GFI1B: variants seen among roughly 807,000 people sequenced by gnomAD.
The protein encoded by GFI1B is zinc finger protein Gfi-1b.
Under a neutral mutation model 35.3 loss-of-function variants are expected in GFI1B, and 20 were observed. The observed-to-expected ratio is 0.57, with a 90% CI of 0.40 to 0.82. The LOEUF is 0.82. GFI1B is among the 40% of genes least tolerant of loss of function. The pLI is 0.00. For synonymous variants in GFI1B, 178 were observed against 177.6 expected (o/e 1.00, Z -0.02); for missense variants, 430 against 446.3 (o/e 0.96, Z 0.33).
chr9:132,989,591 C>T lies in GFI1B; in HGVS notation c.649-151C>T. On this transcript the variant is annotated intron_variant, in intron 5 of 6. Transcript: ENST00000372122. The surrounding 1 kb of genome is among the most constrained non-coding windows in gnomAD (Gnocchi z 6.2). The stretch of plus-strand genomic sequence containing the variant: ...CACAGGAGACCAATGAGACTCCAAG[C>T]CCCAGTTTCACCTCAGAGGCAGAGA... 1 of 624,760 alleles carries T rather than the reference C, an allele frequency of 1.6e-6. No individual in the cohort carries two copies. Among genetic ancestry groups the T allele is most frequent in the Non-Finnish European group, 2.8e-6 (1 of 352,274 alleles). 38.7% of individuals were successfully genotyped at this position (624,760 alleles called of 1,614,324 possible).
At position 132,990,981 on chromosome 9, in the gene GFI1B, G is replaced by A. The variant is rs763603541; in HGVS notation, c.924G>A (p.Leu308=). Residue 308 remains leucine (L), a synonymous_variant, in exon 7 of 7, where the codon CTG becomes CTA. Coordinates refer to ENST00000372122, the MANE Select transcript of GFI1B (RefSeq NM_001377304.1). ...HTGFKPFSCE[L]CTKGFQRKVD... ...GCTTCAAGCCCTTCAGCTGTGAGCT[G>A]TGCACCAAAGGCTTCCAGCGCAAGG... The A allele has an allele frequency of 3.7e-6, 6 of 1,614,084 alleles. No individual in the cohort carries two copies. In the Admixed American group the frequency reaches 8.3e-5, roughly 22 times the overall value.
chr9:132,982,301 G>A (rs1848854945), intron 1 of GFI1B, among the ~76,000 whole-genome samples: 1 of 152,216 alleles, frequency 6.6e-6, no homozygotes, highest in African/African-American at 2.4e-5. Flanking sequence ...CAGGTTGGTG[G>A]CTGATGCGGT....
intron 1 of GFI1B, among the ~76,000 whole-genome samples, chr9:132,950,156 G>C (rs1200684780): frequency 6.6e-6 from 1 of 152,024 alleles, no homozygotes. Context: ...ACTTTTACCT[G>C]AGCTAGAAGA....
In GFI1B at chr9:132,989,675, G is replaced by A; in HGVS notation, c.649-67G>A. 7.3e-7 allele frequency: 1 copy of A among 1,370,946 alleles called. No homozygotes were observed. The highest frequency in any genetic ancestry group is 1.2e-5 in the South Asian group (1 of 84,190). The allele number at this position is 1,370,946 out of a possible 1,614,324, so 84.9% of individuals were successfully genotyped here. A position where few individuals can be genotyped will look rare whatever the true frequency, so the allele number is the denominator to read the frequency against. On this transcript the variant is annotated intron_variant, in intron 5 of 6. Coordinates refer to ENST00000372122, the MANE Select transcript of GFI1B (RefSeq NM_001377304.1). This position sits in a 1 kb window ranked among gnomAD's most constrained non-coding sequence, Gnocchi z 6.2. ...CCCCAATGGAGTGTCCTGTTCCGCA[G>A]GGGATCCCGGCCGGGTCCAGTCCTG...
At chr9:132,964,610 T>C (rs1848420521) in intron 1 of GFI1B, among the ~76,000 whole-genome samples, 1 of 152,160 alleles carries the variant, frequency 6.6e-6, no homozygotes, top group African/African-American at 2.4e-5. Context: ...ACAAAGGCCG[T>C]CACAATTCTA....
At position 132,989,084 on chromosome 9, in the gene GFI1B, C is replaced by G; in HGVS notation, c.534C>G (p.Leu178=). 6.2e-7 allele frequency: 1 copy of G among 1,614,064 alleles called. No individual in the cohort carries two copies. Among genetic ancestry groups the G allele is most frequent in the East Asian group, 2.2e-5 (1 of 44,886 alleles). ...CNKVFSTPHG[L]EVHVRRSHSG... is the part of the protein sequence containing the mutation. Reference sequence around the variant, plus strand: ...AGGTCTTCTCCACCCCTCACGGGCTCGAAGTGCATGTGCGACGCTCCCATA... The same window carrying G: ...AGGTCTTCTCCACCCCTCACGGGCTGGAAGTGCATGTGCGACGCTCCCATA... Residue 178 remains leucine, a synonymous_variant, in exon 5 of 7, where the codon CTC becomes CTG. Coordinates refer to ENST00000372122, the MANE Select transcript of GFI1B (RefSeq NM_001377304.1). This position sits in a 1 kb window ranked among gnomAD's most constrained non-coding sequence, Gnocchi z 6.2.
In GFI1B at chr9:132,989,651, C is replaced by T. The variant is rs554982113; in HGVS notation, c.649-91C>T. The T allele has an allele frequency of 4.4e-4, 458 of 1,049,990 alleles. 7 individuals are homozygous for T. Among genetic ancestry groups the T allele is most frequent in the South Asian group, 2.2e-3 (164 of 75,394 alleles). 65.0% of individuals were successfully genotyped at this position (1,049,990 alleles called of 1,614,324 possible). ...CCCCGGTCCTGCTCCTCCAGGCCGCCCCAATGGAGTGTCCTGTTCCGCAGG... is the reference window on the plus strand; with the variant it reads ...CCCCGGTCCTGCTCCTCCAGGCCGCTCCAATGGAGTGTCCTGTTCCGCAGG... On this transcript the variant is annotated intron_variant, in intron 5 of 6. Coordinates refer to ENST00000372122, the MANE Select transcript of GFI1B (RefSeq NM_001377304.1). This position sits in a 1 kb window ranked among gnomAD's most constrained non-coding sequence, Gnocchi z 6.2.
intron 6 of GFI1B, among the ~76,000 whole-genome samples, 154 bp from the exon 7 acceptor site, chr9:132,990,718 T>G (rs1253777203): frequency 6.6e-6 from 1 of 152,264 alleles, no homozygotes; most frequent in African/African-American, 2.4e-5. Context: ...TTCTCTCTCT[T>G]TTCTAATTAT....
intron 1 of GFI1B, among the ~76,000 whole-genome samples, chr9:132,959,536 C>T (rs548986661): frequency 3.9e-5 from 6 of 152,360 alleles, no homozygotes; most frequent in African/African-American, 1.4e-4. Context: ...GCAGTGTGAG[C>T]ACTGAGTAAA....
At chr9:132,986,518 C>T (rs1849066226) in intron 1 of GFI1B, 141 bp from the exon 2 acceptor site, 1 of 680,280 alleles carries the variant, frequency 1.5e-6, no homozygotes, top group South Asian at 1.5e-5. Flanking sequence ...GTCACATTCA[C>T]AGGTTCTGGG....
intron 1 of GFI1B, among the ~76,000 whole-genome samples, chr9:132,960,885 C>A (rs1272215815): frequency 2.0e-5 from 3 of 151,918 alleles, no homozygotes; most frequent in African/African-American, 4.8e-5. Flanking sequence ...CCTCTACACA[C>A]CCCCAGCAAT....
chr9:132,947,545 A>T (rs1028222786), intron 1 of GFI1B, among the ~76,000 whole-genome samples: 2 of 152,066 alleles, frequency 1.3e-5, no homozygotes, highest in Admixed American at 6.6e-5. Flanking sequence ...GCAGTAGCTC[A>T]CTTCTGTAAT....
chr9:132,988,572 C>G (rs568344962), intron 4 of GFI1B, 104 bp downstream of exon 4: 1 of 1,076,236 alleles, frequency 9.3e-7, no homozygotes, highest in Non-Finnish European at 1.4e-6. Context: ...TGTTGGGGCT[C>G]TGGTGGGATT....
rs78837507 is a variant in GFI1B, at chr9:132,988,421, C to T, written c.463C>T (p.Arg155Cys). The T allele has an allele frequency of 1.2e-4, 196 of 1,614,070 alleles. 1 individual carries two copies. Among genetic ancestry groups the T allele is most frequent in the East Asian group, 1.2e-3 (53 of 44,880 alleles). The change falls in exon 4 of 7, where the codon CGC (arginine) becomes TGC (cysteine). Residue 155 changes from arginine (R) to cysteine (C), a missense_variant. By Grantham distance (180) the Arg-to-Cys change is radical. Transcript: ENST00000372122. Reference sequence around the variant, plus strand: ...TGAGCCCGCCTTGGACTTCAGCCTCCGCTACTCCCCAGGCATGGATGCGTA... The same window carrying T: ...TGAGCCCGCCTTGGACTTCAGCCTCTGCTACTCCCCAGGCATGGATGCGTA... Reference protein sequence around the residue: ...STEPALDFSLRYSPGMDAYHC... With the variant: ...STEPALDFSLCYSPGMDAYHC...
chr9:132,953,223 T>C (rs900414742), intron 1 of GFI1B: 22 of 152,250 alleles, frequency 1.4e-4, no homozygotes, highest in African/African-American at 5.1e-4. Context: ...ACCACCACTA[T>C]TGGCTTCTTT....
At chr9:132,965,234 GC>G (rs1204467718) in intron 1 of GFI1B, among the ~76,000 whole-genome samples, 1 of 152,158 alleles carries the variant, frequency 6.6e-6, no homozygotes, top group African/African-American at 2.4e-5. Flanking sequence ...TTAGATCCCA[GC>G]CCTCACTAAA....
chr9:132,987,543 C>A, intron 3 of GFI1B, 124 bp downstream of exon 3: 1 of 1,095,764 alleles, frequency 9.1e-7, no homozygotes, highest in Non-Finnish European at 1.4e-6. Context: ...TCACTGGATG[C>A]AGCCCGGGCT....
intron 4 of GFI1B, 134 bp downstream of exon 4, chr9:132,988,602 C>T: frequency 1.2e-6 from 1 of 825,142 alleles, no homozygotes. Flanking sequence ...AAACGTTCAT[C>T]CTCATCACCA....
chr9:132,961,473 A>G (rs1157535947), intron 1 of GFI1B, among the ~76,000 whole-genome samples: 2 of 152,038 alleles, frequency 1.3e-5, no homozygotes, highest in African/African-American at 2.4e-5. Flanking sequence ...TTTCAGAAAA[A>G]TGTAAGTGAC....
Sources: allele counts gnomAD v4.1 joint callset (sites outside exome capture counted in the v4.1 genomes callset), GRCh38; gene constraint gnomAD v4.1.1; non-coding constraint Gnocchi (gnomAD v3.1); transcripts MANE v1.5; gene names NCBI Gene and HGNC (gene_info 2026-07-23, HGNC 2026-07-21).